ARIH1: variants seen among roughly 807,000 people sequenced by gnomAD.
The protein encoded by ARIH1 is ariadne RBR E3 ubiquitin protein ligase 1, also known as E3 ubiquitin-protein ligase ARIH1.
A neutral mutation model predicts 85.0 loss-of-function variants in ARIH1; 8 were observed. That is an observed-to-expected ratio of 0.09 (90% CI 0.06 to 0.17). The LOEUF is 0.17. ARIH1 is among the 10% of genes least tolerant of loss of function. The probability of loss-of-function intolerance (pLI) is 1.00; values close to 1 mark genes in which losing one functional copy is unlikely to be tolerated. For missense variants in ARIH1, 311 were observed against 718.1 expected, an observed-to-expected ratio of 0.43 and a Z score of 6.48; for synonymous variants, 238 against 253.6, an observed-to-expected ratio of 0.94 and a Z score of 0.59.
intron 3 of ARIH1, among the ~76,000 whole-genome samples, chr15:72,546,238 G>A (rs117224997): frequency 0.03 from 4,564 of 152,024 alleles, 113 homozygotes; most frequent in East Asian, 0.12. Context: ...GATTTTTATT[G>A]TTTATCTTAG....
chr15:72,568,466 A>G (rs1476569305), intron 9 of ARIH1, among the ~76,000 whole-genome samples: 1 of 152,196 alleles, frequency 6.6e-6, no homozygotes, highest in Non-Finnish European at 1.5e-5. Context: ...AGATGTTTAA[A>G]ATAGGGAGTA....
chr15:72,491,202 A>G (rs1054821284), intron 1 of ARIH1, among the ~76,000 whole-genome samples: 8 of 152,134 alleles, frequency 5.3e-5, no homozygotes, highest in Non-Finnish European at 8.8e-5. Flanking sequence ...CTTAGCTGCC[A>G]TTTCTTTATG....
chr15:72,555,434 CACAAATAAAAACAGGTG>C, intron 4 of ARIH1, 71 bp downstream of exon 4: 1 of 1,106,162 alleles, frequency 9.0e-7, no homozygotes, highest in Non-Finnish European at 1.3e-6. Flanking sequence ...CACAAATTTG[CACAAATAAAAACAGGTG>C]AAGCTTTATG....
chr15:72,541,256 A>G (rs983246779), intron 2 of ARIH1, among the ~76,000 whole-genome samples: 3 of 152,186 alleles, frequency 2.0e-5, no homozygotes, highest in African/African-American at 7.2e-5. Context: ...GCAGTCTAGC[A>G]GGCATGCAAG....
At chr15:72,569,953 C>A (rs539241143) in intron 9 of ARIH1, among the ~76,000 whole-genome samples, 37 of 152,290 alleles carry the variant, frequency 2.4e-4, no homozygotes, top group African/African-American at 8.7e-4. Context: ...TTTAAAAAAA[C>A]AAGTCCTTAA....
intron 10 of ARIH1, among the ~76,000 whole-genome samples, chr15:72,571,260 T>G (rs1232804352): frequency 6.6e-6 from 1 of 152,064 alleles, no homozygotes; most frequent in Non-Finnish European, 1.5e-5. Flanking sequence ...TGTAGTTATG[T>G]GACCTTAAGT....
chr15:72,489,148 G>A (rs1430315829), intron 1 of ARIH1, among the ~76,000 whole-genome samples: 1 of 149,974 alleles, frequency 6.7e-6, no homozygotes, highest in Non-Finnish European at 1.5e-5. Context: ...GCTGAAGTGG[G>A]AGAAGAGGAT....
Position 72,589,834 on chromosome 15 carries a change from A to G in ARIH1, c.*6542A>G, listed in dbSNP as rs945162078. The G allele has an allele frequency of 6.6e-6, 1 of 151,742 alleles. No homozygotes were observed. The highest frequency in any genetic ancestry group is 2.4e-5 in the African/African-American group (1 of 41,310). The allele number at this position is 151,742 out of a possible 1,614,324, so 9.4% of individuals were successfully genotyped here. On this transcript the variant is annotated 3_prime_UTR_variant, in exon 14 of 14. Coordinates refer to ENST00000379887, the MANE Select transcript of ARIH1 (RefSeq NM_005744.5). Reference sequence around the variant, plus strand: ...TCCATCTCGTTTATTTTTATTTTTTATTTTTTTAAGAGACAGTCTTGCTAT... The same window carrying G: ...TCCATCTCGTTTATTTTTATTTTTTGTTTTTTTAAGAGACAGTCTTGCTAT...
chr15:72,578,605 C>T lies in ARIH1; in HGVS notation c.1216-2126C>T, dbSNP rs974407407. Among the ~76,000 whole-genome samples the T allele has an allele frequency of 1.1e-4, 16 of 151,392 alleles. No homozygotes were observed. The East Asian group carries it at 2.1e-3, about 20-fold the overall frequency. ...CTCTTTTTCTTAATTTTGGTTTGTC[C>T]GCAAGTGTTTTCAAATTGTTGGCAA... On this transcript the variant is annotated intron_variant, in intron 11 of 13. Coordinates refer to ENST00000379887, the MANE Select transcript of ARIH1 (RefSeq NM_005744.5).
chr15:72,551,436 A>T (rs933191797), intron 3 of ARIH1, among the ~76,000 whole-genome samples: 1 of 152,186 alleles, frequency 6.6e-6, no homozygotes, highest in Non-Finnish European at 1.5e-5. Flanking sequence ...GGCATTTCAA[A>T]TAAGGTGTAT....
At chr15:72,476,992 A>C (rs2063797602) in intron 1 of ARIH1, among the ~76,000 whole-genome samples, 1 of 152,208 alleles carries the variant, frequency 6.6e-6, no homozygotes, top group Admixed American at 6.5e-5. Context: ...TCTGGCTTTT[A>C]TAAATATTGA....
intron 3 of ARIH1, among the ~76,000 whole-genome samples, chr15:72,550,210 A>G (rs992184501): frequency 6.6e-6 from 1 of 152,208 alleles, no homozygotes; most frequent in African/African-American, 2.4e-5. Context: ...AAAAGCTTTT[A>G]TCTGTGTGCT....
intron 2 of ARIH1, among the ~76,000 whole-genome samples, chr15:72,523,419 T>G (rs1238987684): frequency 1.3e-5 from 2 of 152,100 alleles, no homozygotes; most frequent in Non-Finnish European, 2.9e-5. Context: ...ATTCCACCTA[T>G]GTGACACTCT....
intron 3 of ARIH1, among the ~76,000 whole-genome samples, chr15:72,545,229 T>C (rs964976215): frequency 3.9e-5 from 6 of 152,204 alleles, no homozygotes; most frequent in African/African-American, 9.6e-5. Context: ...GTTTATTCTA[T>C]CACCATGGGA....
intron 1 of ARIH1, among the ~76,000 whole-genome samples, chr15:72,477,473 T>C (rs2063799231): frequency 6.6e-6 from 1 of 152,200 alleles, no homozygotes; most frequent in Admixed American, 6.5e-5. Flanking sequence ...TAAGATACAT[T>C]TGCAGGTGAA....
At chr15:72,485,241 G>A (rs996718251) in intron 1 of ARIH1, among the ~76,000 whole-genome samples, 1 of 152,172 alleles carries the variant, frequency 6.6e-6, no homozygotes, top group Non-Finnish European at 1.5e-5. Context: ...CACCATGAGG[G>A]TAATGACATT....
intron 1 of ARIH1, among the ~76,000 whole-genome samples, chr15:72,512,337 C>G (rs1249842687): frequency 6.6e-6 from 1 of 151,732 alleles, no homozygotes; most frequent in East Asian, 1.9e-4. Context: ...TAGGATCATT[C>G]GTGTTGTGTC....
chr15:72,534,367 G>C (rs1256587460), intron 2 of ARIH1, among the ~76,000 whole-genome samples: 2 of 151,550 alleles, frequency 1.3e-5, no homozygotes, highest in Non-Finnish European at 2.9e-5. Context: ...TCTGTTTCTT[G>C]TCCTGGGTGG....
rs2064341838 is a variant in ARIH1, at chr15:72,591,222, A to C, written c.*7930A>C. 7.5e-6 allele frequency: 1 copy of C among 133,810 alleles called. No homozygotes were observed. The highest frequency in any genetic ancestry group is 1.6e-5 in the Non-Finnish European group (1 of 63,002). The allele number at this position is 133,810 out of a possible 1,614,324, so 8.3% of individuals were successfully genotyped here. On this transcript the variant is annotated 3_prime_UTR_variant, in exon 14 of 14. Transcript: ENST00000379887. ...GGGCGACAGAGAGACTCTGTCTCAAAAAAAAAAAAAAAAAAAAAAAAGAAG... is the reference window on the plus strand; with the variant it reads ...GGGCGACAGAGAGACTCTGTCTCAACAAAAAAAAAAAAAAAAAAAAAGAAG...
Sources: allele counts gnomAD v4.1 joint callset (sites outside exome capture counted in the v4.1 genomes callset), GRCh38; gene constraint gnomAD v4.1.1; transcripts MANE v1.5; gene names NCBI Gene and HGNC (gene_info 2026-07-23, HGNC 2026-07-21).